SEMA3G: variants seen among roughly 807,000 people sequenced by gnomAD.
The protein encoded by SEMA3G is semaphorin 3G.
In SEMA3G, 70 loss-of-function variants were observed where a neutral mutation model predicts 86.2. The ratio of observed to expected loss-of-function variants is 0.81; its 90% CI spans 0.67 to 0.99. The LOEUF is 0.99. SEMA3G is among the 50% of genes least tolerant of loss of function. The pLI, the probability that SEMA3G is intolerant of heterozygous loss-of-function variation, is 0.00. For missense variants in SEMA3G, 1,002 were observed against 1,072.4 expected, an observed-to-expected ratio of 0.93 and a Z score of 0.92; for synonymous variants, 416 against 441.4, an observed-to-expected ratio of 0.94 and a Z score of 0.72.
At position 52,439,978 on chromosome 3, in the gene SEMA3G, G is replaced by T; in HGVS notation, c.1264C>A (p.His422Asn). 2 of 1,613,744 alleles carry T rather than the reference G, an allele frequency of 1.2e-6. No homozygotes were observed. Among genetic ancestry groups the T allele is most frequent in the Non-Finnish European group, 8.5e-7 (1 of 1,179,978 alleles). The change falls in exon 11 of 16, where the codon CAT becomes AAT. Residue 422 changes from histidine (H) to asparagine (N), a missense_variant. Physicochemically the swap from His to Asn is moderately conservative, Grantham distance 68. Coordinates refer to ENST00000231721, the MANE Select transcript of SEMA3G (RefSeq NM_020163.3). ...PLMFWPVRPR[H>N]GRPVLVKTHL... ...GTCTTGACAAGGACAGGGCGGCCAT[G>T]TCGAGGCCGCACAGGCCAGAACATG...
At chr3:52,439,290 T>TGAC (rs1706102234) in intron 12 of SEMA3G, among the ~76,000 whole-genome samples, 1 of 152,142 alleles carries the variant, frequency 6.6e-6, no homozygotes, top group Non-Finnish European at 1.5e-5. Context: ...CAAACACAGA[T>TGAC]GACCCCCTTC....
At chr3:52,438,278 C>T in intron 13 of SEMA3G, 79 bp from the exon 14 acceptor site, 19 of 1,442,708 alleles carry the variant, frequency 1.3e-5, no homozygotes, top group Non-Finnish European at 1.8e-5. Context: ...CCCTCAGCTT[C>T]CTGAGACCCC....
intron 15 of SEMA3G, among the ~76,000 whole-genome samples, chr3:52,437,084 T>A (rs1287454281): frequency 6.6e-6 from 1 of 152,026 alleles, no homozygotes; most frequent in Non-Finnish European, 1.5e-5. Flanking sequence ...CAAGGACCAG[T>A]GGTTAGGGAC....
intron 13 of SEMA3G, 126 bp downstream of exon 13, chr3:52,438,794 C>T: frequency 6.6e-7 from 1 of 1,511,694 alleles, no homozygotes; most frequent in Non-Finnish European, 8.9e-7. Flanking sequence ...CGAATCAGGC[C>T]TGCCTCAGCA....
At position 52,435,967 on chromosome 3, in the gene SEMA3G, A is replaced by C. The variant is rs1706041511; in HGVS notation, c.1985T>G (p.Phe662Cys). 6.2e-7 allele frequency: 1 copy of C among 1,613,974 alleles called. No homozygotes were observed. The highest frequency in any genetic ancestry group is 1.3e-5 in the African/African-American group (1 of 75,052). Reference protein sequence around the residue: ...TYTCTTLEHGFSQTVVRLALV... With the variant: ...TYTCTTLEHGCSQTVVRLALV... ...AGCCAGGCGGACCACAGTCTGGGAG[A>C]AGCCATGCTCCAGAGTGGTGCAGGT... Residue 662 changes from phenylalanine (F) to cysteine (C), a missense_variant, in exon 16 of 16, where the codon TTC becomes TGC. By Grantham distance (205) the Phe-to-Cys change is radical. Transcript: ENST00000231721.
Position 52,442,162 on chromosome 3 carries a change from T to C in SEMA3G, c.459+23A>G, listed in dbSNP as rs1411136481. ...GAAATGTCACTGCCTCCCAGTCCCT[T>C]GTGGGGCCTGGCCCAGGCTCACCTC... On this transcript the variant is annotated intron_variant, in intron 4 of 15. Coordinates refer to ENST00000231721, the MANE Select transcript of SEMA3G (RefSeq NM_020163.3). The surrounding 1 kb of genome is among the most constrained non-coding windows in gnomAD (Gnocchi z 6.1). 6.2e-7 allele frequency: 1 copy of C among 1,607,458 alleles called. No homozygotes were observed. Among genetic ancestry groups the C allele is most frequent in the Non-Finnish European group, 8.5e-7 (1 of 1,176,216 alleles).
In SEMA3G at chr3:52,442,988, G is replaced by A. The variant is rs1706189084; in HGVS notation, c.116-81C>T. On this transcript the variant is annotated intron_variant, in intron 1 of 15. Coordinates refer to ENST00000231721, the MANE Select transcript of SEMA3G (RefSeq NM_020163.3). The surrounding 1 kb of genome is among the most constrained non-coding windows in gnomAD (Gnocchi z 6.1). Reference sequence around the variant, plus strand: ...CCAAGGAGTGGAGGTGGAGGCCCCGGCTGAGCATCCACCCCTGACACACTC... The same window carrying A: ...CCAAGGAGTGGAGGTGGAGGCCCCGACTGAGCATCCACCCCTGACACACTC... 2 of 1,548,192 alleles carry A rather than the reference G, an allele frequency of 1.3e-6. No individual in the cohort carries two copies. Among genetic ancestry groups the A allele is most frequent in the South Asian group, 2.4e-5 (2 of 83,782 alleles).
intron 15 of SEMA3G, among the ~76,000 whole-genome samples, chr3:52,437,236 C>A (rs1012435703): frequency 1.1e-4 from 17 of 152,146 alleles, no homozygotes; most frequent in African/African-American, 4.1e-4. Flanking sequence ...CAAAGATGAG[C>A]CATGTGTGTA....
In SEMA3G at chr3:52,442,259, T is replaced by G. The variant is rs202108655; in HGVS notation, c.385A>C (p.Thr129Pro). 1.9e-5 allele frequency: 31 copies of G among 1,613,480 alleles called. No individual in the cohort carries two copies. The highest frequency in any genetic ancestry group is 1.3e-5 in the African/African-American group (1 of 74,882). ...CCAGTGCCACAGGCTAGCAGGTGGG[T>G]CCGGTTGTGAGGCTGTAGCACCCGC... ...FVRVLQPHNRTHLLACGTGAF... is the reference protein window; with the variant it reads ...FVRVLQPHNRPHLLACGTGAF... The change falls in exon 4 of 16, where the codon ACC becomes CCC. Residue 129 changes from threonine (T) to proline (P), a missense_variant. By Grantham distance (38) the Thr-to-Pro change is conservative (BLOSUM62 -1). Coordinates refer to ENST00000231721, the MANE Select transcript of SEMA3G (RefSeq NM_020163.3). This position sits in a 1 kb window ranked among gnomAD's most constrained non-coding sequence, Gnocchi z 6.1.
Position 52,441,334 on chromosome 3 carries a change from GAGA to G in SEMA3G, c.740_742del (p.Phe247del), listed in dbSNP as rs769387548. On this transcript the variant is annotated inframe_deletion, in exon 7 of 16. Transcript: ENST00000231721. ...ACCATCGGGCGAGGGGACCGTCTCC[GAGA>G]AGAAGAAGTACACCTTGTCATTGTC... 23 of 1,613,836 alleles carry G rather than the reference GAGA, an allele frequency of 1.4e-5. No individual in the cohort carries two copies. Among genetic ancestry groups the G allele is most frequent in the East Asian group, 4.5e-5 (2 of 44,876 alleles).
In SEMA3G at chr3:52,437,986, C is replaced by G; in HGVS notation, c.1723G>C (p.Gly575Arg). Residue 575 changes from glycine to arginine, a missense_variant, in exon 14 of 16, where the codon GGC becomes CGC. Physicochemically the swap from Gly to Arg is moderately radical, Grantham distance 125 (BLOSUM62 -2). Coordinates refer to ENST00000231721, the MANE Select transcript of SEMA3G (RefSeq NM_020163.3). ...RHGNPALQCL[G>R]QSQEEEAVGL... is the part of the protein sequence containing the mutation. ...CACCACTCACCTTCCTGGCTCTGGC[C>G]CAGGCACTGCAGGGCAGGGTTGCCG... 6.2e-7 allele frequency: 1 copy of G among 1,612,454 alleles called. No individual in the cohort carries two copies. The highest frequency in any genetic ancestry group is 1.7e-5 in the Admixed American group (1 of 60,008).
Position 52,440,362 on chromosome 3 carries a change from C to T in SEMA3G, c.1143+15G>A. On this transcript the variant is annotated intron_variant, in intron 10 of 15. Coordinates refer to ENST00000231721, the MANE Select transcript of SEMA3G (RefSeq NM_020163.3). ...CAGGCCTCGCTTCCCTGGCCTGGCC[C>T]CAGCAGATACTCACCACGCCAGGGC... The T allele has an allele frequency of 1.3e-6, 2 of 1,584,402 alleles. No individual in the cohort carries two copies. Among genetic ancestry groups the T allele is most frequent in the Middle Eastern group, 2.0e-4 (1 of 5,010 alleles).
At position 52,441,030 on chromosome 3, in the gene SEMA3G, G is replaced by A. The variant is rs1578257979; in HGVS notation, c.832C>T (p.Arg278Trp). 2.5e-6 allele frequency: 4 copies of A among 1,599,478 alleles called. No homozygotes were observed. Among genetic ancestry groups the A allele is most frequent in the Middle Eastern group, 1.7e-4 (1 of 6,040 alleles). The change falls in exon 8 of 16, where the codon CGG becomes TGG. Residue 278 changes from arginine (R) to tryptophan (W), a missense_variant. By Grantham distance (101) the Arg-to-Trp change is moderately radical. Coordinates refer to ENST00000231721, the MANE Select transcript of SEMA3G (RefSeq NM_020163.3). ...GTGCTCCATTTGTTCACCAGCACCC[G>A]CTGGCCCCCAGCATCATTCTGCAGG... The part of the protein sequence containing the change: ...RVCVNDAGGQ[R>W]VLVNKWSTFL...
intron 1 of SEMA3G, 194 bp from the exon 2 acceptor site, chr3:52,443,101 C>G: frequency 2.0e-6 from 3 of 1,502,374 alleles, no homozygotes; most frequent in Non-Finnish European, 2.7e-6. Flanking sequence ...GGCTCAGAGC[C>G]TCCCACCTGG....
chr3:52,439,881 A>C lies in SEMA3G; in HGVS notation c.1361T>G (p.Ile454Ser). 1 of 1,613,178 alleles carries C rather than the reference A, an allele frequency of 6.2e-7. No homozygotes were observed. Among genetic ancestry groups the C allele is most frequent in the Non-Finnish European group, 8.5e-7 (1 of 1,179,548 alleles). ...AGCTGTCCTACCAGTCCCCAGGAAAATGACATCGTAGGTCCCATCCTCTGC... is the reference window on the plus strand; with the variant it reads ...AGCTGTCCTACCAGTCCCCAGGAAACTGACATCGTAGGTCCCATCCTCTGC... ...VEAEDGTYDVIFLGTDSGSVL... is the reference protein window; with the variant it reads ...VEAEDGTYDVSFLGTDSGSVL... The change falls in exon 11 of 16, where the codon ATT (isoleucine) becomes AGT (serine). Residue 454 changes from isoleucine to serine, a missense_variant. Transcript: ENST00000231721.
intron 8 of SEMA3G, 36 bp from the exon 9 acceptor site, chr3:52,440,859 C>A: frequency 6.2e-7 from 1 of 1,603,128 alleles, no homozygotes; most frequent in Non-Finnish European, 8.5e-7. Context: ...GTCATGGCCA[C>A]CGCCAATGCC....
intron 15 of SEMA3G, among the ~76,000 whole-genome samples, chr3:52,436,817 G>A (rs1706056570): frequency 1.3e-5 from 2 of 152,176 alleles, no homozygotes; most frequent in Admixed American, 1.3e-4. Flanking sequence ...CCTCCCCTGG[G>A]GAATCTTCTC....
rs1397201654 is a variant in SEMA3G at position 52,435,969 on chromosome 3, G to A, written c.1983C>T (p.Gly661=). 2.5e-6 allele frequency: 4 copies of A among 1,613,996 alleles called. No homozygotes were observed. Among genetic ancestry groups the A allele is most frequent in the Non-Finnish European group, 3.4e-6 (4 of 1,180,036 alleles). The change falls in exon 16 of 16, where the codon GGC becomes GGT. Residue 661 remains glycine, a synonymous_variant. Coordinates refer to ENST00000231721, the MANE Select transcript of SEMA3G (RefSeq NM_020163.3). The stretch of plus-strand genomic sequence containing the variant: ...CCAGGCGGACCACAGTCTGGGAGAA[G>A]CCATGCTCCAGAGTGGTGCAGGTGT... The part of the protein sequence containing the change: ...GTYTCTTLEH[G]FSQTVVRLAL...
chr3:52,439,614 C>A, intron 12 of SEMA3G, 66 bp downstream of exon 12: 2 of 1,358,686 alleles, frequency 1.5e-6, no homozygotes, highest in South Asian at 1.2e-5. Context: ...GCTCCTGCAT[C>A]CCTGTAGCCA....
Sources: gnomAD v4.1 joint callset for allele counts (sites outside exome capture counted in the v4.1 genomes callset) on GRCh38, gnomAD v4.1.1 for gene constraint, Gnocchi (gnomAD v3.1) non-coding constraint, MANE v1.5 for transcripts, NCBI Gene and HGNC (gene_info 2026-07-23, HGNC 2026-07-21) for gene names.